SLC37A3: variants seen among roughly 807,000 people sequenced by gnomAD.
SLC37A3 encodes solute carrier family 37 member 3, also known as sugar phosphate exchanger 3.
SLC37A3 carries 51 observed loss-of-function variants against 67.1 expected under a neutral mutation model. The ratio of observed to expected loss-of-function variants is 0.76; its 90% CI spans 0.61 to 0.96. SLC37A3 has a LOEUF of 0.96. Ranked by LOEUF, SLC37A3 falls within the 40% of genes least tolerant of loss-of-function variation. The pLI, the probability that SLC37A3 is intolerant of heterozygous loss-of-function variation, is 0.00. For synonymous variants in SLC37A3, 214 were observed against 231.4 expected (o/e 0.92, Z 0.68); for missense variants, 508 against 603.0 (o/e 0.84, Z 1.65).
At chr7:140,388,424 C>A (rs976894899) in intron 1 of SLC37A3, among the ~76,000 whole-genome samples, 3 of 150,548 alleles carry the variant, frequency 2.0e-5, no homozygotes, top group Middle Eastern at 3.5e-3. Context: ...CAGAGTGAGA[C>A]CCTGTACCAA....
chr7:140,339,480 C>T (rs563150322), intron 13 of SLC37A3, among the ~76,000 whole-genome samples: 226 of 152,048 alleles, frequency 1.5e-3, no homozygotes, highest in Middle Eastern at 6.8e-3. Flanking sequence ...AGGCTGGTCT[C>T]GAACTCCTGA....
At chr7:140,356,050 T>C (rs1797013791) in intron 6 of SLC37A3, among the ~76,000 whole-genome samples, 1 of 151,252 alleles carries the variant, frequency 6.6e-6, no homozygotes, top group Non-Finnish European at 1.5e-5. Context: ...CAAAATCAGT[T>C]GGGCGTGGTG....
intron 1 of SLC37A3, among the ~76,000 whole-genome samples, chr7:140,388,262 G>A (rs1342421537): frequency 1.3e-5 from 2 of 151,396 alleles, no homozygotes; most frequent in African/African-American, 2.4e-5. Flanking sequence ...GCAAAACCCC[G>A]TTTCCAGAAA....
Position 140,348,583 on chromosome 7 carries a change from G to A in SLC37A3, c.1024+43C>T, listed in dbSNP as rs763709269. ...TTCACAACCCAGTAAAAGATCACTA[G>A]TGACTAACTCTTTATTATGGAAAAG... On this transcript the variant is annotated intron_variant, in intron 10 of 14. Transcript: ENST00000326232. 4 of 1,565,242 alleles carry A rather than the reference G, an allele frequency of 2.6e-6. No individual in the cohort carries two copies. In the South Asian group the frequency reaches 4.8e-5, roughly 19 times the overall value.
At position 140,354,757 on chromosome 7, in the gene SLC37A3, T is replaced by C. The variant is rs545051794; in HGVS notation, c.618+911A>G. Among the ~76,000 whole-genome samples, 36 of 144,242 alleles carry C rather than the reference T, an allele frequency of 2.5e-4. No individual in the cohort carries two copies. The South Asian group carries it at 7.4e-3, about 30-fold the overall frequency. The allele number at this position is 144,242 out of a possible 152,430, so 94.6% of individuals were successfully genotyped here. A position where few individuals can be genotyped will look rare whatever the true frequency, so the allele number is the denominator to read the frequency against. On this transcript the variant is annotated intron_variant, in intron 7 of 14. Transcript: ENST00000326232. ...TTTTTGGTGTTTTTTTTTTTTTTTTTTGAGACAGGGTCTTGCTCCATCACC... is the reference window on the plus strand; with the variant it reads ...TTTTTGGTGTTTTTTTTTTTTTTTTCTGAGACAGGGTCTTGCTCCATCACC...
intron 3 of SLC37A3, among the ~76,000 whole-genome samples, chr7:140,375,742 G>A (rs750936626): frequency 1.3e-5 from 2 of 152,142 alleles, no homozygotes; most frequent in Non-Finnish European, 2.9e-5. Flanking sequence ...CCAAAGCACC[G>A]GAACTAATTT....
intron 4 of SLC37A3, among the ~76,000 whole-genome samples, chr7:140,369,376 C>T (rs1013764412): frequency 5.9e-5 from 9 of 152,108 alleles, no homozygotes; most frequent in Non-Finnish European, 1.3e-4. Flanking sequence ...TTGTGTTGTT[C>T]GGGATAAATT....
chr7:140,335,534 A>T (rs1223682282), intron 14 of SLC37A3, 30 bp from the exon 15 acceptor site: 1 of 1,605,662 alleles, frequency 6.2e-7, no homozygotes, highest in South Asian at 1.1e-5. Flanking sequence ...TTAAATATGC[A>T]GCAACAGTTT....
chr7:140,384,589 C>T (rs1185336368), intron 1 of SLC37A3, among the ~76,000 whole-genome samples: 1 of 151,762 alleles, frequency 6.6e-6, no homozygotes, highest in African/African-American at 2.4e-5. Flanking sequence ...CGTGGTGGCT[C>T]ATGTCTATGG....
intron 13 of SLC37A3, among the ~76,000 whole-genome samples, chr7:140,339,453 G>T (rs1398826189): frequency 6.6e-6 from 1 of 151,624 alleles, no homozygotes; most frequent in Admixed American, 6.6e-5. Flanking sequence ...TAGAGACAGG[G>T]TTTCACCATG....
chr7:140,395,576 T>C (rs747273544), intron 1 of SLC37A3, among the ~76,000 whole-genome samples: 5 of 151,112 alleles, frequency 3.3e-5, no homozygotes, highest in African/African-American at 4.9e-5. Context: ...GGTGTGGTGG[T>C]GGGTGCCTGT....
At chr7:140,351,506 T>C (rs1796800475) in intron 8 of SLC37A3, 55 bp from the exon 9 acceptor site, 1 of 1,493,760 alleles carries the variant, frequency 6.7e-7, no homozygotes, top group African/African-American at 1.4e-5. Context: ...TGTGAAGGGC[T>C]CTGCATACAT....
chr7:140,390,951 T>C (rs1798704773), intron 1 of SLC37A3, among the ~76,000 whole-genome samples: 1 of 152,114 alleles, frequency 6.6e-6, no homozygotes, highest in Non-Finnish European at 1.5e-5. Flanking sequence ...GTCCTCCTCC[T>C]TCCCTGCACC....
In SLC37A3 at chr7:140,363,181, G is replaced by T. The variant is rs1414739395; in HGVS notation, c.375+1227C>A. 3.6e-5 allele frequency among the ~76,000 whole-genome samples: 3 copies of T among 83,400 alleles called. 1 individual carries two copies. The highest frequency in any genetic ancestry group is 1.4e-4 in the African/African-American group (3 of 20,904). 54.7% of individuals were successfully genotyped at this position (83,400 alleles called of 152,430 possible). ...AGCCCCTCTGCCCGGCCACGACCCC[G>T]TCTGGGAGGTGTGCCCAGCGGCTCA... On this transcript the variant is annotated intron_variant, in intron 5 of 14. Transcript: ENST00000326232.
chr7:140,352,226 GA>G, intron 7 of SLC37A3, 80 bp from the exon 8 acceptor site: 1 of 474,180 alleles, frequency 2.1e-6, no homozygotes, highest in Admixed American at 2.9e-5. Flanking sequence ...GTGTGTGGGG[GA>G]AGGTGGGGGT....
chr7:140,337,252 AC>A lies in SLC37A3; in HGVS notation c.1392+31del. 3 of 1,476,076 alleles carry A rather than the reference AC, an allele frequency of 2.0e-6. No homozygotes were observed. In the South Asian group the frequency reaches 4.1e-5, roughly 20 times the overall value. 91.4% of individuals were successfully genotyped at this position (1,476,076 alleles called of 1,614,324 possible). A position where few individuals can be genotyped will look rare whatever the true frequency, so the allele number is the denominator to read the frequency against. On this transcript the variant is annotated intron_variant, in intron 14 of 14. Coordinates refer to ENST00000326232, the MANE Select transcript of SLC37A3 (RefSeq NM_207113.3). ...TTTGAACTTAATTAACAGAAAAATG[AC>A]TTTTTTTTTTTTAAAGGGGCACACA...
intron 6 of SLC37A3, 68 bp from the exon 7 acceptor site, chr7:140,355,832 C>A: frequency 7.8e-7 from 1 of 1,285,330 alleles, no homozygotes; most frequent in South Asian, 1.2e-5. Context: ...GTTCAAAATA[C>A]AAAACAGCCA....
chr7:140,382,264 G>GGAGGGCAAAACAGCCCTCCAGAAC lies in SLC37A3; in HGVS notation c.89+150_89+173dup, dbSNP rs576460031. ...TCTTAGACACCGCCAAATGTCCTCT[G>GGAGGGCAAAACAGCCCTCCAGAAC]GAGGGCAAAACAGCCCTCCAGAACT... On this transcript the variant is annotated intron_variant, in intron 2 of 14. Transcript: ENST00000326232. 1.1e-4 allele frequency among the ~76,000 whole-genome samples: 17 copies of GGAGGGCAAAACAGCCCTCCAGAAC among 152,104 alleles called. 1 individual carries two copies. The South Asian group carries it at 3.5e-3, about 32-fold the overall frequency.
intron 3 of SLC37A3, among the ~76,000 whole-genome samples, chr7:140,378,962 G>A (rs912227627): frequency 6.6e-6 from 1 of 151,938 alleles, no homozygotes; most frequent in Non-Finnish European, 1.5e-5. Flanking sequence ...CAGGAGAATC[G>A]CTTGATCCCA....
Sources: allele counts gnomAD v4.1 joint callset (sites outside exome capture counted in the v4.1 genomes callset), GRCh38; gene constraint gnomAD v4.1.1; transcripts MANE v1.5; gene names NCBI Gene and HGNC (gene_info 2026-07-23, HGNC 2026-07-21).